Variants in HSD11B1L observed in about 807,000 individuals in gnomAD.
HSD11B1L encodes the protein hydroxysteroid 11-beta-dehydrogenase 1-like protein.
A neutral mutation model predicts 27.0 loss-of-function variants in HSD11B1L; 22 were observed. The observed-to-expected ratio is 0.81, with a 90% CI of 0.58 to 1.16. HSD11B1L has a LOEUF of 1.16. HSD11B1L is among the 50% of genes most tolerant of loss of function. HSD11B1L has a pLI of 0.00. For missense variants in HSD11B1L, 372 were observed against 401.8 expected (o/e 0.93, Z 0.63); for synonymous variants, 187 against 189.2 (o/e 0.99, Z 0.09).
At chr19:5,684,782 C>T (rs778451769) in intron 1 of HSD11B1L, 37 bp from the exon 2 acceptor site, 12 of 1,612,760 alleles carry the variant, frequency 7.4e-6, no homozygotes, top group Non-Finnish European at 7.6e-6. Context: ...GTGGGCCAGG[C>T]CTGTGCCGGC....
intron 1 of HSD11B1L, among the ~76,000 whole-genome samples, chr19:5,683,202 C>T (rs925236141): frequency 1.6e-5 from 2 of 122,178 alleles, no homozygotes; most frequent in Non-Finnish European, 3.3e-5. Context: ...GAGTGAAACT[C>T]AGTCTCAAAA....
Position 5,688,425 on chromosome 19 carries a change from A to G in HSD11B1L, c.*480A>G. 1.8e-6 allele frequency: 1 copy of G among 559,232 alleles called. No homozygotes were observed. The highest frequency in any genetic ancestry group is 3.2e-6 in the Non-Finnish European group (1 of 316,040). 34.6% of individuals were successfully genotyped at this position (559,232 alleles called of 1,614,324 possible). On this transcript the variant is annotated 3_prime_UTR_variant, in exon 8 of 8. Transcript: ENST00000339423. ...GCAGGGGCGTCTACACTGTTCGTCT[A>G]CCTGGTGGCAGGGTCTGAGCGGGAG...
chr19:5,681,472 T>C (rs2054543938), intron 1 of HSD11B1L, among the ~76,000 whole-genome samples: 1 of 151,946 alleles, frequency 6.6e-6, no homozygotes, highest in Non-Finnish European at 1.5e-5. Flanking sequence ...CATCTGGCCA[T>C]CCACCCATCT....
At position 5,687,963 on chromosome 19, in the gene HSD11B1L, T is replaced by TA. The variant is rs757885964; in HGVS notation, c.*18_*19insA. On this transcript the variant is annotated 3_prime_UTR_variant, in exon 8 of 8. Transcript: ENST00000339423. The surrounding 1 kb of genome is among the most constrained non-coding windows in gnomAD (Gnocchi z 6.6). The stretch of plus-strand genomic sequence containing the variant: ...CAGCCTGAGCACCGGGGGGTGCCCC[T>TA]CCAGTCCCAGACGGCAATGTTCCTC... 3 of 1,556,428 alleles carry TA rather than the reference T, an allele frequency of 1.9e-6. No individual in the cohort carries two copies. Among genetic ancestry groups the TA allele is most frequent in the Admixed American group, 3.8e-5 (2 of 52,244 alleles).
chr19:5,685,445 C>A lies in HSD11B1L; in HGVS notation c.204+326C>A. 1 of 416,678 alleles carries A rather than the reference C, an allele frequency of 2.4e-6. No homozygotes were observed. Among genetic ancestry groups the A allele is most frequent in the South Asian group, 1.9e-5 (1 of 51,724 alleles). The allele number at this position is 416,678 out of a possible 1,614,324, so 25.8% of individuals were successfully genotyped here. A position where few individuals can be genotyped will look rare whatever the true frequency, so the allele number is the denominator to read the frequency against. Reference sequence around the variant, plus strand: ...ACAAAAATTAGGCCAGGCATGGTGGCTCATGCCTGTAATCCTAGCACTTTG... The same window carrying A: ...ACAAAAATTAGGCCAGGCATGGTGGATCATGCCTGTAATCCTAGCACTTTG... On this transcript the variant is annotated intron_variant, in intron 3 of 7. Coordinates refer to ENST00000339423, the MANE Select transcript of HSD11B1L (RefSeq NM_198706.3). This position sits in a 1 kb window ranked among gnomAD's most constrained non-coding sequence, Gnocchi z 4.3.
intron 1 of HSD11B1L, among the ~76,000 whole-genome samples, chr19:5,682,898 A>G (rs183930778): frequency 1.4e-5 from 2 of 144,082 alleles, no homozygotes; most frequent in African/African-American, 2.6e-5. Flanking sequence ...GCTCACTGCA[A>G]TCTCCACCCC....
In HSD11B1L at chr19:5,688,255, C is replaced by T; in HGVS notation, c.*310C>T. 2 of 1,392,602 alleles carry T rather than the reference C, an allele frequency of 1.4e-6. No individual in the cohort carries two copies. The highest frequency in any genetic ancestry group is 1.9e-6 in the Non-Finnish European group (2 of 1,029,454). The allele number at this position is 1,392,602 out of a possible 1,614,324, so 86.3% of individuals were successfully genotyped here. On this transcript the variant is annotated 3_prime_UTR_variant, in exon 8 of 8. Transcript: ENST00000339423. ...CTAAGGCTCAGAGAGGCCACGCCAC[C>T]CTTGAGCCACCCATGGACCCCTCTC...
Position 5,685,102 on chromosome 19 carries a change from G to T in HSD11B1L, c.187G>T (p.Glu63Ter). ...GSHLVLTAHT[E>*]ALLQKVVGNC... ...CCACCTGGTGCTCACTGCCCACACTGAGGCTCTCCTGCAGAAGGTGAGCCA... is the reference window on the plus strand; with the variant it reads ...CCACCTGGTGCTCACTGCCCACACTTAGGCTCTCCTGCAGAAGGTGAGCCA... The change falls in exon 3 of 8, where the codon GAG becomes TAG. Residue 63 changes from glutamate (E) to a stop codon, truncating the protein, a stop_gained. Coordinates refer to ENST00000339423, the MANE Select transcript of HSD11B1L (RefSeq NM_198706.3). LOFTEE classifies it high-confidence loss of function. The surrounding 1 kb of genome is among the most constrained non-coding windows in gnomAD (Gnocchi z 4.3). The T allele has an allele frequency of 6.5e-7, 1 of 1,549,222 alleles. No homozygotes were observed.
chr19:5,682,219 G>C (rs1310850162), intron 1 of HSD11B1L, among the ~76,000 whole-genome samples: 1 of 152,216 alleles, frequency 6.6e-6, no homozygotes, highest in Non-Finnish European at 1.5e-5. Flanking sequence ...GGAGCAGGAA[G>C]GGCCATGGCC....
rs1277686227 is a variant in HSD11B1L, at chr19:5,687,482, C to T, written c.503-21C>T. The stretch of plus-strand genomic sequence containing the variant: ...CCCGGACGAGGGGGAGCCACTCAGC[C>T]GCTGCCGTCCGCGCCCCCAGGCCGC... On this transcript the variant is annotated intron_variant, in intron 6 of 7. Coordinates refer to ENST00000339423, the MANE Select transcript of HSD11B1L (RefSeq NM_198706.3). The surrounding 1 kb of genome is among the most constrained non-coding windows in gnomAD (Gnocchi z 6.6). 2.5e-6 allele frequency: 4 copies of T among 1,587,684 alleles called. No homozygotes were observed. The highest frequency in any genetic ancestry group is 2.3e-5 in the East Asian group (1 of 44,358).
Position 5,687,177 on chromosome 19 carries a change from TCTGGCCCCGTCTCTGACCCGGCC to T in HSD11B1L, c.409-95_409-73del, listed in dbSNP as rs2054719599. On this transcript the variant is annotated intron_variant, in intron 5 of 7. Transcript: ENST00000339423. This position sits in a 1 kb window ranked among gnomAD's most constrained non-coding sequence, Gnocchi z 6.6. ...CGCCCTCGGACCCGCCTTCCGGGTT[TCTGGCCCCGTCTCTGACCCGGCC>T]CTGGCCCCGCCCTCTGGGTTTCTGG... 3 of 1,324,904 alleles carry T rather than the reference TCTGGCCCCGTCTCTGACCCGGCC, an allele frequency of 2.3e-6. No homozygotes were observed. Among genetic ancestry groups the T allele is most frequent in the Non-Finnish European group, 3.1e-6 (3 of 959,492 alleles). The allele number at this position is 1,324,904 out of a possible 1,614,324, so 82.1% of individuals were successfully genotyped here.
At chr19:5,683,908 AT>A (rs1367401470) in intron 1 of HSD11B1L, 3 of 298,940 alleles carry the variant, frequency 1.0e-5, no homozygotes, top group South Asian at 1.6e-4. Flanking sequence ...ATAAAAAAAA[AT>A]AAAAATAAAA....
In HSD11B1L at chr19:5,685,131, C is replaced by A; in HGVS notation, c.204+12C>A. 6.5e-7 allele frequency: 1 copy of A among 1,544,388 alleles called. No homozygotes were observed. The highest frequency in any genetic ancestry group is 2.4e-5 in the East Asian group (1 of 40,918). On this transcript the variant is annotated intron_variant, in intron 3 of 7. Coordinates refer to ENST00000339423, the MANE Select transcript of HSD11B1L (RefSeq NM_198706.3). The surrounding 1 kb of genome is among the most constrained non-coding windows in gnomAD (Gnocchi z 4.3). ...CTCTCCTGCAGAAGGTGAGCCACCC[C>A]ATGTCTAGATGAATGGTGGGGGTGC...
rs983421741 is a variant in HSD11B1L at position 5,686,953 on chromosome 19, C to T, written c.370C>T (p.Arg124Ter). 13 of 1,551,774 alleles carry T rather than the reference C, an allele frequency of 8.4e-6. No homozygotes were observed. The African/African-American group carries it at 1.6e-4, about 20-fold the overall frequency. The part of the protein sequence containing the change: ...NHIGGAPAGT[R>*]ARSPQATRWL... ...CATCGGCGGCGCCCCGGCCGGCACG[C>T]GAGCCCGCAGCCCCCAGGCAACTCG... The change falls in exon 5 of 8, where the codon CGA (arginine) becomes TGA (stop). Residue 124 changes from arginine to a stop codon, truncating the protein, a stop_gained. Coordinates refer to ENST00000339423, the MANE Select transcript of HSD11B1L (RefSeq NM_198706.3). LOFTEE classifies it high-confidence loss of function.
In HSD11B1L at chr19:5,685,612, C is replaced by G. The variant is rs548740740; in HGVS notation, c.204+493C>G. On this transcript the variant is annotated intron_variant, in intron 3 of 7. Coordinates refer to ENST00000339423, the MANE Select transcript of HSD11B1L (RefSeq NM_198706.3). The surrounding 1 kb of genome is among the most constrained non-coding windows in gnomAD (Gnocchi z 4.3). ...AAATTAGCCGGCGTGGTGTCAGGCA[C>G]CTGTAATCCCAGCTACTGGGGAGGC... The G allele has an allele frequency of 5.5e-6, 1 of 181,206 alleles. No individual in the cohort carries two copies. The highest frequency in any genetic ancestry group is 2.4e-5 in the African/African-American group (1 of 41,598). The allele number at this position is 181,206 out of a possible 1,614,324, so 11.2% of individuals were successfully genotyped here. A position where few individuals can be genotyped will look rare whatever the true frequency, so the allele number is the denominator to read the frequency against.
rs2054743094 is a variant in HSD11B1L, at chr19:5,687,743, C to T, written c.669-10C>T. ...CAGCCGCAGTCCCCACCGTGCCCTCCTGTCCCCAGGGGAGTCACGAGGGTC... is the reference window on the plus strand; with the variant it reads ...CAGCCGCAGTCCCCACCGTGCCCTCTTGTCCCCAGGGGAGTCACGAGGGTC... On this transcript the variant is annotated splice_polypyrimidine_tract_variant and intron_variant, in intron 7 of 7. Transcript: ENST00000339423. The surrounding 1 kb of genome is among the most constrained non-coding windows in gnomAD (Gnocchi z 6.6). The T allele has an allele frequency of 6.7e-7, 1 of 1,491,788 alleles. No individual in the cohort carries two copies. The highest frequency in any genetic ancestry group is 8.9e-7 in the Non-Finnish European group (1 of 1,125,390). The allele number at this position is 1,491,788 out of a possible 1,614,324, so 92.4% of individuals were successfully genotyped here. A position where few individuals can be genotyped will look rare whatever the true frequency, so the allele number is the denominator to read the frequency against.
chr19:5,687,867 C>CTTG lies in HSD11B1L; in HGVS notation c.784_786dup (p.Leu263dup). On this transcript the variant is annotated inframe_insertion, in exon 8 of 8. Coordinates refer to ENST00000339423, the MANE Select transcript of HSD11B1L (RefSeq NM_198706.3). This position sits in a 1 kb window ranked among gnomAD's most constrained non-coding sequence, Gnocchi z 6.6. Reference sequence around the variant, plus strand: ...ACCCGTGGCGTTTCCGCCTGCTGTGCTTGCTCCGGCGCTGGCTACCGCGCC... The same window carrying CTTG: ...ACCCGTGGCGTTTCCGCCTGCTGTGCTTGTTGCTCCGGCGCTGGCTACCGCGCC... 6.3e-7 allele frequency: 1 copy of CTTG among 1,580,296 alleles called. No homozygotes were observed. The highest frequency in any genetic ancestry group is 8.6e-7 in the Non-Finnish European group (1 of 1,164,278).
Position 5,685,492 on chromosome 19 carries a change from A to C in HSD11B1L, c.204+373A>C. 2.9e-6 allele frequency: 1 copy of C among 345,202 alleles called. No individual in the cohort carries two copies. The highest frequency in any genetic ancestry group is 5.7e-6 in the Non-Finnish European group (1 of 175,928). 21.4% of individuals were successfully genotyped at this position (345,202 alleles called of 1,614,324 possible). ...TTTGGGAGGCCAAGGCGGATGGATC[A>C]CTTGAGGTCAGGAGTTCAAAACCAG... On this transcript the variant is annotated intron_variant, in intron 3 of 7. Coordinates refer to ENST00000339423, the MANE Select transcript of HSD11B1L (RefSeq NM_198706.3). This position sits in a 1 kb window ranked among gnomAD's most constrained non-coding sequence, Gnocchi z 4.3.
chr19:5,685,040 G>A lies in HSD11B1L; in HGVS notation c.125G>A (p.Gly42Asp), dbSNP rs148042659. 2 of 1,569,920 alleles carry A rather than the reference G, an allele frequency of 1.3e-6. No individual in the cohort carries two copies. Among genetic ancestry groups the A allele is most frequent in the Non-Finnish European group, 8.6e-7 (1 of 1,157,274 alleles). Residue 42 changes from glycine to aspartate, a missense_variant, in exon 3 of 8, where the codon GGT (glycine) becomes GAT (aspartate). Transcript: ENST00000339423. The surrounding 1 kb of genome is among the most constrained non-coding windows in gnomAD (Gnocchi z 4.3). ...CTGACAGGGGCCAACGCTGGTGTTGGTGAGGAGCTGGCCTATCACTACGCG... is the reference window on the plus strand; with the variant it reads ...CTGACAGGGGCCAACGCTGGTGTTGATGAGGAGCTGGCCTATCACTACGCG... ...VLLTGANAGV[G>D]EELAYHYARL...
Sources: gnomAD v4.1 joint callset for allele counts (sites outside exome capture counted in the v4.1 genomes callset) on GRCh38, gnomAD v4.1.1 for gene constraint, Gnocchi (gnomAD v3.1) non-coding constraint, MANE v1.5 for transcripts, NCBI Gene and HGNC (gene_info 2026-07-23, HGNC 2026-07-21) for gene names.